PIWIL4: variants seen among roughly 807,000 people sequenced by gnomAD.
PIWIL4 encodes piwi like RNA-mediated gene silencing 4, also known as piwi-like protein 4.
In PIWIL4, 50 loss-of-function variants were observed where a neutral mutation model predicts 100.9. The ratio of observed to expected loss-of-function variants is 0.50; its 90% CI spans 0.39 to 0.63. PIWIL4 has a LOEUF of 0.63. Among genes scored for constraint, PIWIL4 ranks in the 20% least tolerant of loss-of-function variants. The probability of loss-of-function intolerance (pLI) is 0.00; values close to 1 mark genes in which losing one functional copy is unlikely to be tolerated. For missense variants in PIWIL4, 887 were observed against 1,043.3 expected, an observed-to-expected ratio of 0.85 and a Z score of 2.06; for synonymous variants, 342 against 367.5, an observed-to-expected ratio of 0.93 and a Z score of 0.79.
chr11:94,593,361 G>C (rs1948512384), intron 8 of PIWIL4, among the ~76,000 whole-genome samples, 157 bp from the exon 9 acceptor site: 1 of 152,210 alleles, frequency 6.6e-6, no homozygotes, highest in Non-Finnish European at 1.5e-5. Flanking sequence ...AGATATAAAA[G>C]ATAGGTCCTG....
At position 94,577,292 on chromosome 11, in the gene PIWIL4, C is replaced by A; in HGVS notation, c.313C>A (p.Pro105Thr). The change falls in exon 4 of 20, where the codon CCT becomes ACT. Residue 105 changes from proline to threonine, a missense_variant. Physicochemically the swap from Pro to Thr is conservative, Grantham distance 38. Around this residue, in one of 2 missense-constraint regions of PIWIL4, gnomAD observed 741 missense variants for 930.0 expected, o/e 0.80. Coordinates refer to ENST00000299001, the MANE Select transcript of PIWIL4 (RefSeq NM_152431.3). Reference protein sequence around the residue: ...RNCKTGSSGIPVKLVTNLFNL... With the variant: ...RNCKTGSSGITVKLVTNLFNL... ...GTCTTCTTCAGGTTCCAGTGGAATA[C>A]CTGTGAAACTGGTTACAAACCTCTT... is the stretch of plus-strand genomic sequence containing the variant. The A allele has an allele frequency of 6.2e-7, 1 of 1,613,346 alleles. No individual in the cohort carries two copies. Among genetic ancestry groups the A allele is most frequent in the Non-Finnish European group, 8.5e-7 (1 of 1,179,570 alleles).
Position 94,600,803 on chromosome 11 carries a change from G to A in PIWIL4, c.1381-992G>A, listed in dbSNP as rs138846061. Among the ~76,000 whole-genome samples the A allele has an allele frequency of 7.9e-3, 1,207 of 152,188 alleles. 12 individuals carry two copies. The highest frequency in any genetic ancestry group is 0.025 in the African/African-American group (1,055 of 41,518). On this transcript the variant is annotated intron_variant, in intron 11 of 19. Coordinates refer to ENST00000299001, the MANE Select transcript of PIWIL4 (RefSeq NM_152431.3). ...CCAGTTCAGAGACCTACTCCCAGGCGTGCATTCTCTTTCTCAGGGATGTTC... is the reference window on the plus strand; with the variant it reads ...CCAGTTCAGAGACCTACTCCCAGGCATGCATTCTCTTTCTCAGGGATGTTC...
chr11:94,617,689 A>C (rs1948861100), intron 16 of PIWIL4: 1 of 419,052 alleles, frequency 2.4e-6, no homozygotes, highest in Non-Finnish European at 4.2e-6. Flanking sequence ...CTTAAATATT[A>C]AAATTTTATT....
chr11:94,587,348 T>G, intron 7 of PIWIL4, 101 bp downstream of exon 7: 4 of 1,198,184 alleles, frequency 3.3e-6, no homozygotes, highest in Non-Finnish European at 4.7e-6. Flanking sequence ...ATCACAGATC[T>G]AATCCATTTA....
rs1226960542 is a variant in PIWIL4 at position 94,588,302 on chromosome 11, T to G, written c.915-819T>G. On this transcript the variant is annotated intron_variant, in intron 7 of 19. Coordinates refer to ENST00000299001, the MANE Select transcript of PIWIL4 (RefSeq NM_152431.3). The stretch of plus-strand genomic sequence containing the variant: ...CAAAGGACATGATCCTGTTCCTTTT[T>G]ATGGCTGCAAAAATACTTCTTTTAG... Among the ~76,000 whole-genome samples, 3 of 152,294 alleles carry G rather than the reference T, an allele frequency of 2.0e-5. No individual in the cohort carries two copies. The East Asian group carries it at 5.8e-4, about 29-fold the overall frequency.
rs1948092999 is a variant in PIWIL4, at chr11:94,567,596, C to T, written c.78C>T (p.Ala26=). The T allele has an allele frequency of 6.2e-7, 1 of 1,604,616 alleles. No homozygotes were observed. Among genetic ancestry groups the T allele is most frequent in the Non-Finnish European group, 8.5e-7 (1 of 1,175,596 alleles). Residue 26 remains alanine, a synonymous_variant, in exon 1 of 20, where the codon GCC becomes GCT. Transcript: ENST00000299001. ...CCACAGAAGTGGGGCGCATCCAAGCCTCGCCATTGGTGTGTAGAATGCTTA... is the reference window on the plus strand; with the variant it reads ...CCACAGAAGTGGGGCGCATCCAAGCTTCGCCATTGGTGTGTAGAATGCTTA... ...PSATEVGRIQ[A]SPLPRSVDLS... is the part of the protein sequence containing the mutation.
intron 3 of PIWIL4, among the ~76,000 whole-genome samples, chr11:94,576,314 T>C (rs546595749): frequency 2.0e-5 from 3 of 152,262 alleles, no homozygotes; most frequent in Admixed American, 6.5e-5. Flanking sequence ...TTTTATTTTT[T>C]ATAGAGACAG....
chr11:94,595,593 TAAGGGGTTG>T (rs2135273436), intron 10 of PIWIL4, among the ~76,000 whole-genome samples, 167 bp downstream of exon 10: 1 of 152,374 alleles, frequency 6.6e-6, no homozygotes, highest in African/African-American at 2.4e-5. Flanking sequence ...GTCTCAGGAC[TAAGGGGTTG>T]AAGGGAGTTG....
intron 4 of PIWIL4, among the ~76,000 whole-genome samples, chr11:94,580,908 TTTTTTTG>T (rs1394460137): frequency 1.8e-4 from 25 of 139,142 alleles, no homozygotes; most frequent in African/African-American, 6.1e-4. Context: ...TTTTTTTTTT[TTTTTTTG>T]GAGAAGGAGT....
intron 2 of PIWIL4, among the ~76,000 whole-genome samples, chr11:94,574,697 G>A (rs893564693): frequency 1.7e-4 from 26 of 152,138 alleles, no homozygotes; most frequent in Admixed American, 5.2e-4. Context: ...GCCCAGGCTG[G>A]TCTCTAACTC....
intron 7 of PIWIL4, among the ~76,000 whole-genome samples, chr11:94,587,791 T>G (rs1341726567): frequency 6.6e-6 from 1 of 152,210 alleles, no homozygotes; most frequent in Non-Finnish European, 1.5e-5. Flanking sequence ...TTCAGGAGTC[T>G]TTTAAGTTGA....
chr11:94,577,627 T>G, intron 4 of PIWIL4, 135 bp downstream of exon 4: 5 of 756,658 alleles, frequency 6.6e-6, no homozygotes, highest in Non-Finnish European at 9.9e-6. Flanking sequence ...GGTAAGAATT[T>G]AAAAAACTAC....
In PIWIL4 at chr11:94,621,005, C is replaced by CA; in HGVS notation, c.*13_*14insA. On this transcript the variant is annotated 3_prime_UTR_variant, in exon 20 of 20. Transcript: ENST00000299001. The stretch of plus-strand genomic sequence containing the variant: ...CTTCTACCTGTGATGGCATGAACTA[C>CA]TGGCATCACTAGATGGACAATCCAA... 1 of 1,539,690 alleles carries CA rather than the reference C, an allele frequency of 6.5e-7. No homozygotes were observed. The highest frequency in any genetic ancestry group is 9.0e-7 in the Non-Finnish European group (1 of 1,112,586).
chr11:94,569,265 G>T (rs185533834), intron 2 of PIWIL4, among the ~76,000 whole-genome samples: 6 of 151,956 alleles, frequency 3.9e-5, no homozygotes, highest in Non-Finnish European at 2.9e-5. Context: ...ATTAGATAAA[G>T]AAAATGTGGT....
In PIWIL4 at chr11:94,577,460, A is replaced by G. The variant is rs758908576; in HGVS notation, c.481A>G (p.Ile161Val). The part of the protein sequence containing the change: ...SNKAKAFDGA[I>V]LFLSQKLEEK... ...CAAAGCAAAAGCATTCGACGGTGCCATCCTTTTTCTGTCACAAAAGCTAGA... is the reference window on the plus strand; with the variant it reads ...CAAAGCAAAAGCATTCGACGGTGCCGTCCTTTTTCTGTCACAAAAGCTAGA... Residue 161 changes from isoleucine (I) to valine (V), a missense_variant, in exon 4 of 20, where the codon ATC becomes GTC. Ile to Val is a conservative substitution (Grantham distance 29). Coordinates refer to ENST00000299001, the MANE Select transcript of PIWIL4 (RefSeq NM_152431.3). The G allele has an allele frequency of 1.9e-6, 3 of 1,613,578 alleles. No individual in the cohort carries two copies. Among genetic ancestry groups the G allele is most frequent in the Non-Finnish European group, 2.5e-6 (3 of 1,179,730 alleles).
Position 94,604,942 on chromosome 11 carries a change from C to G in PIWIL4, c.1638+886C>G, listed in dbSNP as rs181067541. On this transcript the variant is annotated intron_variant, in intron 13 of 19. Coordinates refer to ENST00000299001, the MANE Select transcript of PIWIL4 (RefSeq NM_152431.3). The stretch of plus-strand genomic sequence containing the variant: ...AAGAGCATTTATTTTTTACTTAAAT[C>G]AAACTTATAGAAAAGTGACAAGAAC... Among the ~76,000 whole-genome samples the G allele has an allele frequency of 3.3e-5, 5 of 152,274 alleles. No homozygotes were observed. The East Asian group carries it at 9.6e-4, about 29-fold the overall frequency.
Position 94,585,503 on chromosome 11 carries a change from C to A in PIWIL4, c.694C>A (p.Pro232Thr), listed in dbSNP as rs1948386484. 1.2e-6 allele frequency: 2 copies of A among 1,609,416 alleles called. No homozygotes were observed. Among genetic ancestry groups the A allele is most frequent in the Non-Finnish European group, 8.5e-7 (1 of 1,178,088 alleles). The change falls in exon 6 of 20, where the codon CCA (proline) becomes ACA (threonine). Residue 232 changes from proline to threonine, a missense_variant. Around this residue, in one of 2 missense-constraint regions of PIWIL4, gnomAD observed 741 missense variants for 930.0 expected, o/e 0.80. Coordinates refer to ENST00000299001, the MANE Select transcript of PIWIL4 (RefSeq NM_152431.3). ...ACGGAACTTCTATAATCCTTCAGAG[C>A]CAATGGAAATTCCCCAGCACAAGTA... ...IGRNFYNPSE[P>T]MEIPQHKLSL...
chr11:94,597,184 A>G (rs1948568858), intron 10 of PIWIL4, among the ~76,000 whole-genome samples: 1 of 152,250 alleles, frequency 6.6e-6, no homozygotes, highest in Non-Finnish European at 1.5e-5. Flanking sequence ...CATAGGATAG[A>G]GAGGGTAATA....
chr11:94,605,912 C>T (rs1257929984), intron 13 of PIWIL4, among the ~76,000 whole-genome samples: 1 of 152,172 alleles, frequency 6.6e-6, no homozygotes, highest in East Asian at 1.9e-4. Flanking sequence ...TTTCTTGGAA[C>T]ACTTTCTTAC....
Sources: allele counts gnomAD v4.1 joint callset (sites outside exome capture counted in the v4.1 genomes callset), GRCh38; gene constraint gnomAD v4.1.1; regional missense constraint gnomAD v4.1.1; transcripts MANE v1.5; gene names NCBI Gene and HGNC (gene_info 2026-07-23, HGNC 2026-07-21).